The following SETX variants were observed in gnomAD, a reference collection of about 807,000 sequenced individuals.
SETX encodes the protein senataxin.
SETX carries 90 observed loss-of-function variants against 227.2 expected under a neutral mutation model. The observed-to-expected ratio is 0.40, with a 90% CI of 0.33 to 0.47. SETX has a LOEUF of 0.47. Among genes scored for constraint, SETX ranks in the 20% least tolerant of loss-of-function variants. The pLI is 0.91. For synonymous variants in SETX, 1,210 were observed against 1,113.2 expected, an observed-to-expected ratio of 1.09 and a Z score of -1.73; for missense variants, 3,052 against 3,181.5, an observed-to-expected ratio of 0.96 and a Z score of 0.98.
chr9:132,318,030 C>G (rs1846092677), intron 10 of SETX, among the ~76,000 whole-genome samples: 1 of 152,190 alleles, frequency 6.6e-6, no homozygotes, highest in Non-Finnish European at 1.5e-5. Context: ...TAACACTTCT[C>G]TATCCACTTT....
At chr9:132,345,927 G>T (rs1037555899) in intron 4 of SETX, among the ~76,000 whole-genome samples, 1 of 152,142 alleles carries the variant, frequency 6.6e-6, no homozygotes, top group African/African-American at 2.4e-5. Flanking sequence ...GCTCAGGCAG[G>T]AGTATTACTT....
At position 132,344,180 on chromosome 9, in the gene SETX, A is replaced by C. The variant is rs573763593; in HGVS notation, c.389-1381T>G. 3.5e-4 allele frequency among the ~76,000 whole-genome samples: 53 copies of C among 152,254 alleles called. 1 individual carries two copies. The highest frequency in any genetic ancestry group is 1.1e-3 in the African/African-American group (47 of 41,534). On this transcript the variant is annotated intron_variant, in intron 4 of 25. Transcript: ENST00000224140. ...TTGGTTGAAAAAAGATCCATGTATG[A>C]CTGGATCTGCACAGTTCAAGGGTCA...
intron 5 of SETX, among the ~76,000 whole-genome samples, chr9:132,337,353 T>C (rs1203386385): frequency 6.6e-6 from 1 of 151,766 alleles, no homozygotes; most frequent in East Asian, 1.9e-4. Context: ...TCAAAGGGCA[T>C]TTCTAAATGG....
intron 11 of SETX, among the ~76,000 whole-genome samples, chr9:132,303,844 G>A (rs1336447180): frequency 2.6e-5 from 4 of 152,106 alleles, no homozygotes; most frequent in Non-Finnish European, 1.5e-5. Flanking sequence ...AACACCACAT[G>A]GGCGCAGTAG....
In SETX at chr9:132,262,526, G is replaced by C. The variant is rs771853459; in HGVS notation, c.*1713C>G. 6.6e-6 allele frequency: 1 copy of C among 152,338 alleles called. No individual in the cohort carries two copies. The highest frequency in any genetic ancestry group is 6.6e-5 in the Admixed American group (1 of 15,262). The allele number at this position is 152,338 out of a possible 1,614,324, so 9.4% of individuals were successfully genotyped here. ...CCATCCCTACCCGTCCTGAACTGTCGCACACTGCATGGCCAAAGACAAACT... is the reference window on the plus strand; with the variant it reads ...CCATCCCTACCCGTCCTGAACTGTCCCACACTGCATGGCCAAAGACAAACT... On this transcript the variant is annotated 3_prime_UTR_variant, in exon 26 of 26. Coordinates refer to ENST00000224140, the MANE Select transcript of SETX (RefSeq NM_015046.7).
chr9:132,334,838 G>C, intron 6 of SETX, 111 bp from the exon 7 acceptor site: 1 of 1,191,960 alleles, frequency 8.4e-7, no homozygotes, highest in Non-Finnish European at 1.2e-6. Flanking sequence ...ATAGTATTTA[G>C]TTTCTCAAAC....
intron 25 of SETX, 190 bp downstream of exon 25, chr9:132,269,425 T>A: frequency 6.4e-7 from 1 of 1,562,240 alleles, no homozygotes; most frequent in Non-Finnish European, 8.7e-7. Flanking sequence ...GTGTAGATAC[T>A]TGGGTTCTGG....
In SETX at chr9:132,329,818, T is replaced by G. The variant is rs1342637715; in HGVS notation, c.1780A>C (p.Asn594His). Residue 594 changes from asparagine (N) to histidine (H), a missense_variant, in exon 10 of 26, where the codon AAC becomes CAC. Asn to His is a moderately conservative substitution (Grantham distance 68, BLOSUM62 1). Transcript: ENST00000224140. ...CATGGAGGTGCTTTGAATTTTATGT[T>G]TCTAATAATTTGCTTTAAGCAACTT... ...LQSCLKQIIRNIKFKAPPCNT... is the reference protein window; with the variant it reads ...LQSCLKQIIRHIKFKAPPCNT... The G allele has an allele frequency of 3.1e-6, 5 of 1,613,904 alleles. No individual in the cohort carries two copies. Among genetic ancestry groups the G allele is most frequent in the African/African-American group, 1.3e-5 (1 of 74,892 alleles).
chr9:132,326,092 G>C (rs1846732608), intron 10 of SETX, among the ~76,000 whole-genome samples: 2 of 151,954 alleles, frequency 1.3e-5, no homozygotes, highest in East Asian at 1.9e-4. Context: ...TTTTGAGACA[G>C]AGTCTCACTC....
chr9:132,312,933 G>A (rs10121743), intron 10 of SETX, among the ~76,000 whole-genome samples: 36,648 of 152,040 alleles, frequency 0.24, 5,533 homozygotes, highest in East Asian at 0.67. Context: ...ATTAATACAT[G>A]CTACAAGGAT....
chr9:132,337,436 T>TA (rs55840073), intron 5 of SETX, among the ~76,000 whole-genome samples: 15,429 of 148,974 alleles, frequency 0.1, 915 homozygotes, highest in East Asian at 0.24. Flanking sequence ...CAACCAACCT[T>TA]AAAAAAAAAA....
chr9:132,332,905 T>G (rs1313688945), intron 7 of SETX, among the ~76,000 whole-genome samples: 4 of 140,532 alleles, frequency 2.8e-5, no homozygotes, highest in Non-Finnish European at 6.1e-5. Flanking sequence ...GATAGTGAGA[T>G]CCTGTCTCAA....
Position 132,288,362 on chromosome 9 carries a change from TAACA to T in SETX, c.6209-15_6209-12del. 2 of 1,587,518 alleles carry T rather than the reference TAACA, an allele frequency of 1.3e-6. No homozygotes were observed. Among genetic ancestry groups the T allele is most frequent in the Non-Finnish European group, 1.7e-6 (2 of 1,158,724 alleles). On this transcript the variant is annotated splice_polypyrimidine_tract_variant and intron_variant, in intron 16 of 25. Transcript: ENST00000224140. ...AAGGTAACTCTTTTTCTAATAAAAA[TAACA>T]AATAAAAAATTATATGCTATTCTAA...
chr9:132,338,485 A>G (rs1462281353), intron 5 of SETX, among the ~76,000 whole-genome samples: 1 of 152,184 alleles, frequency 6.6e-6, no homozygotes, highest in Non-Finnish European at 1.5e-5. Context: ...CAGATTAAAG[A>G]GGACTAAATG....
intron 17 of SETX, among the ~76,000 whole-genome samples, chr9:132,287,880 A>G (rs1844016583): frequency 2.0e-5 from 3 of 152,106 alleles, no homozygotes; most frequent in Admixed American, 1.3e-4. Context: ...GGCATTAAAT[A>G]CTCATTAATT....
At chr9:132,295,812 A>G in intron 15 of SETX, 60 bp downstream of exon 15, 1 of 1,495,164 alleles carries the variant, frequency 6.7e-7, no homozygotes. Flanking sequence ...TGTCATTCAA[A>G]GTTGCCTACA....
intron 10 of SETX, 136 bp from the exon 11 acceptor site, chr9:132,311,992 G>C: frequency 1.4e-6 from 1 of 717,504 alleles, no homozygotes; most frequent in Admixed American, 2.1e-5. Flanking sequence ...ATTGATTCAC[G>C]GCAGGTTAAT....
At chr9:132,304,575 GT>G (rs1289613338) in intron 11 of SETX, among the ~76,000 whole-genome samples, 1 of 150,860 alleles carries the variant, frequency 6.6e-6, no homozygotes, top group Non-Finnish European at 1.5e-5. Context: ...TGAGGCTGCA[GT>G]GAGCTGGGAT....
chr9:132,277,949 T>C, intron 21 of SETX, 121 bp downstream of exon 21: 1 of 994,234 alleles, frequency 1.0e-6, no homozygotes, highest in East Asian at 2.6e-5. Context: ...CAGGACAAAA[T>C]TATTAACCCT....
Sources: gnomAD v4.1 joint callset for allele counts (sites outside exome capture counted in the v4.1 genomes callset) on GRCh38, gnomAD v4.1.1 for gene constraint, MANE v1.5 for transcripts, NCBI Gene and HGNC (gene_info 2026-07-23, HGNC 2026-07-21) for gene names.